The following C11orf65 variants were observed in gnomAD, a reference collection of about 807,000 sequenced individuals.
C11orf65 encodes chromosome 11 open reading frame 65, also known as protein MFI.
C11orf65 carries 38 observed loss-of-function variants against 35.3 expected under a neutral mutation model. The ratio of observed to expected loss-of-function variants is 1.08; its 90% CI spans 0.83 to 1.41. The LOEUF (loss-of-function observed/expected upper bound fraction) is 1.41. Among genes scored for constraint, C11orf65 ranks in the 40% most tolerant of loss-of-function variants. The pLI is 0.00. For missense variants in C11orf65, 370 were observed against 367.1 expected (o/e 1.01, Z -0.06); for synonymous variants, 105 against 114.4 (o/e 0.92, Z 0.53).
At chr11:108,374,496 T>C (rs1322741384) in intron 2 of C11orf65, among the ~76,000 whole-genome samples, 1 of 152,020 alleles carries the variant, frequency 6.6e-6, no homozygotes, top group African/African-American at 2.4e-5. Flanking sequence ...TACATCACCA[T>C]CATCAAAGAC....
At chr11:108,456,404 C>A (rs2093411896) in intron 2 of C11orf65, among the ~76,000 whole-genome samples, 1 of 152,040 alleles carries the variant, frequency 6.6e-6, no homozygotes, top group South Asian at 2.1e-4. Flanking sequence ...AGCAATTAAG[C>A]CTCTAGAACA....
At chr11:108,386,078 G>A in intron 7 of C11orf65, 103 bp from the exon 8 acceptor site, 4 of 920,910 alleles carry the variant, frequency 4.3e-6, no homozygotes, top group Non-Finnish European at 6.9e-6. Flanking sequence ...ATTAATGATG[G>A]CATGTTCACT....
intron 2 of C11orf65, among the ~76,000 whole-genome samples, chr11:108,445,422 T>C (rs1329426934): frequency 6.6e-6 from 1 of 152,044 alleles, no homozygotes; most frequent in Non-Finnish European, 1.5e-5. Context: ...AGAGGAACGA[T>C]CAGGCAGCAG....
chr11:108,359,672 C>T (rs1227403845), intron 2 of C11orf65, among the ~76,000 whole-genome samples: 10 of 152,166 alleles, frequency 6.6e-5, no homozygotes, highest in South Asian at 4.2e-4. Flanking sequence ...ACATGGAAAC[C>T]AAACAACCTG....
intron 2 of C11orf65, among the ~76,000 whole-genome samples, chr11:108,454,340 C>T (rs1416093741): frequency 6.6e-6 from 1 of 150,484 alleles, no homozygotes; most frequent in Non-Finnish European, 1.5e-5. Flanking sequence ...CTCTTGTTGC[C>T]CAGGCTGGGG....
At chr11:108,327,681 C>T (rs1555120990), downstream of C11orf65, 1 of 1,614,020 alleles carries the variant, frequency 6.2e-7, no homozygotes, top group Non-Finnish European at 8.5e-7. Context: ...CACAGAATGT[C>T]TGAGGGTTTG....
chr11:108,454,140 T>C (rs2093384780), intron 2 of C11orf65, among the ~76,000 whole-genome samples: 1 of 152,158 alleles, frequency 6.6e-6, no homozygotes, highest in African/African-American at 2.4e-5. Flanking sequence ...CATGATTCAG[T>C]CTTGGGAGGT....
At chr11:108,369,512 T>C (rs2091486107) in intron 2 of C11orf65, among the ~76,000 whole-genome samples, 2 of 152,120 alleles carry the variant, frequency 1.3e-5, no homozygotes, top group African/African-American at 4.8e-5. Context: ...TCCTCTGGAG[T>C]TTTAGTCTCT....
At chr11:108,441,480 T>C (rs1366131332) in intron 2 of C11orf65, among the ~76,000 whole-genome samples, 1 of 152,136 alleles carries the variant, frequency 6.6e-6, no homozygotes, top group East Asian at 1.9e-4. Flanking sequence ...GTAGTTGTTA[T>C]CCCAGCATGG....
chr11:108,356,766 TG>T (rs2089979778), intron 2 of C11orf65, among the ~76,000 whole-genome samples: 1 of 152,174 alleles, frequency 6.6e-6, no homozygotes, highest in Non-Finnish European at 1.5e-5. Context: ...AAACTGCTTA[TG>T]GACTTCACTT....
Position 108,393,246 on chromosome 11 carries a change from A to G in C11orf65, c.693T>C (p.Asp231=). ...GTGTATTTGTCCAGTTCAGCACTTCATCCACTTCCCATTCCATCACAGAAT... is the reference window on the plus strand; with the variant it reads ...GTGTATTTGTCCAGTTCAGCACTTCGTCCACTTCCCATTCCATCACAGAAT... The part of the protein sequence containing the change: ...GIDSVMEWEV[D]EVLNWTNTLN... Residue 231 remains aspartate (D), a synonymous_variant, in exon 7 of 9, where the codon GAT becomes GAC. Coordinates refer to ENST00000393084, the MANE Select transcript of C11orf65 (RefSeq NM_152587.5). The G allele has an allele frequency of 6.2e-7, 1 of 1,614,072 alleles. No individual in the cohort carries two copies. Among genetic ancestry groups the G allele is most frequent in the South Asian group, 1.1e-5 (1 of 91,070 alleles).
chr11:108,429,830 G>A (rs963815295), intron 3 of C11orf65, among the ~76,000 whole-genome samples: 11 of 152,042 alleles, frequency 7.2e-5, no homozygotes, highest in Non-Finnish European at 1.5e-4. Flanking sequence ...AAGAAATCCC[G>A]CAATAAACTA....
At position 108,437,326 on chromosome 11, in the gene C11orf65, C is replaced by T. The variant is rs898132361; in HGVS notation, c.82-5488G>A. Among the ~76,000 whole-genome samples, 23 of 151,626 alleles carry T rather than the reference C, an allele frequency of 1.5e-4. 1 individual carries two copies. The highest frequency in any genetic ancestry group is 5.3e-4 in the African/African-American group (22 of 41,338). On this transcript the variant is annotated intron_variant, in intron 2 of 8. Transcript: ENST00000393084. ...AAACTACAGAGAATTCTTGAGTTGG[C>T]AGAAAATTAATACCATAAGGAAGCA...
rs2092211709 is a variant in C11orf65 at position 108,393,263 on chromosome 11, T to A, written c.676A>T (p.Met226Leu). 1.2e-6 allele frequency: 2 copies of A among 1,614,110 alleles called. No individual in the cohort carries two copies. Reference protein sequence around the residue: ...AFEDGGIDSVMEWEVDEVLNW... With the variant: ...AFEDGGIDSVLEWEVDEVLNW... ...AGCACTTCATCCACTTCCCATTCCA[T>A]CACAGAATCTATCCCCCCATCTTCA... is the stretch of plus-strand genomic sequence containing the variant. Residue 226 changes from methionine to leucine, a missense_variant, in exon 7 of 9, where the codon ATG becomes TTG. Transcript: ENST00000393084.
chr11:108,465,936 G>T (rs2093530627), intron 1 of C11orf65, among the ~76,000 whole-genome samples: 1 of 147,876 alleles, frequency 6.8e-6, no homozygotes, highest in Non-Finnish European at 1.5e-5. Flanking sequence ...GGTGAGTCGA[G>T]ATCATGCCAC....
chr11:108,309,622 T>TG (rs537220656), intron 6 of C11orf65, among the ~76,000 whole-genome samples: 100 of 152,300 alleles, frequency 6.6e-4, no homozygotes, highest in Middle Eastern at 3.4e-3. Context: ...AAAGATACTA[T>TG]CTATGGTCCC....
chr11:108,375,941 C>G (rs1190241952), intron 2 of C11orf65, among the ~76,000 whole-genome samples: 1 of 152,160 alleles, frequency 6.6e-6, no homozygotes, highest in African/African-American at 2.4e-5. Context: ...GCTAACTATC[C>G]TACATATATA....
chr11:108,323,394 G>A (rs1260485882), intron 6 of C11orf65, among the ~76,000 whole-genome samples: 1 of 152,168 alleles, frequency 6.6e-6, no homozygotes, highest in Non-Finnish European at 1.5e-5. Context: ...CCAGAGGCAG[G>A]GAAGGGTGTT....
In C11orf65 at chr11:108,395,414, T is replaced by C. The variant is rs867895274; in HGVS notation, c.561-2036A>G. ...ATCTCGGCTCACTGCAACCTCCACC[T>C]CCCGGGTTCAAGCAATTCTCCTGCC... On this transcript the variant is annotated intron_variant, in intron 6 of 8. Coordinates refer to ENST00000393084, the MANE Select transcript of C11orf65 (RefSeq NM_152587.5). Among the ~76,000 whole-genome samples, 4 of 149,122 alleles carry C rather than the reference T, an allele frequency of 2.7e-5. No homozygotes were observed. The East Asian group carries it at 8.0e-4, about 30-fold the overall frequency.
Sources: allele counts gnomAD v4.1 joint callset (sites outside exome capture counted in the v4.1 genomes callset), GRCh38; gene constraint gnomAD v4.1.1; transcripts MANE v1.5; gene names NCBI Gene and HGNC (gene_info 2026-07-23, HGNC 2026-07-21).